Variants in FBXO22 observed in about 807,000 individuals in gnomAD.
The protein encoded by FBXO22 is F-box only protein 22.
A neutral mutation model predicts 37.2 loss-of-function variants in FBXO22; 13 were observed. That is an observed-to-expected ratio of 0.35 (90% CI 0.23 to 0.56). FBXO22 has a LOEUF of 0.56. Among genes scored for constraint, FBXO22 ranks in the 20% least tolerant of loss-of-function variants. The pLI, the probability that FBXO22 is intolerant of heterozygous loss-of-function variation, is 0.87. For synonymous variants in FBXO22, 189 were observed against 189.1 expected (o/e 1.00, Z 0.00); for missense variants, 446 against 509.9 (o/e 0.87, Z 1.21).
At position 75,939,811 on chromosome 15, in the gene FBXO22, A is replaced by G. The variant is rs2030750731; in HGVS notation, c.*6709A>G. ...TCATCTCAATTGATGCAGACAAAGC[A>G]TTTGACAAAATCCAGCAGCCTCTTG... is the stretch of plus-strand genomic sequence containing the variant. On this transcript the variant is annotated 3_prime_UTR_variant, in exon 7 of 7. Transcript: ENST00000308275. 6.6e-6 allele frequency: 1 copy of G among 152,168 alleles called. No homozygotes were observed. Among genetic ancestry groups the G allele is most frequent in the Non-Finnish European group, 1.5e-5 (1 of 67,990 alleles). 9.4% of individuals were successfully genotyped at this position (152,168 alleles called of 1,614,324 possible). A position where few individuals can be genotyped will look rare whatever the true frequency, so the allele number is the denominator to read the frequency against.
intron 5 of FBXO22, among the ~76,000 whole-genome samples, chr15:75,925,358 G>T (rs1355631013): frequency 6.6e-6 from 1 of 152,150 alleles, no homozygotes; most frequent in Non-Finnish European, 1.5e-5. Flanking sequence ...TGAGATTGGT[G>T]ATCTGGTGAT....
Position 75,909,645 on chromosome 15 carries a change from T to C in FBXO22, c.280-3558T>C, listed in dbSNP as rs528015239. On this transcript the variant is annotated intron_variant, in intron 2 of 6. Transcript: ENST00000308275. ...TTTTTGAGGGCTGGAATGAAGAAAT[T>C]ATAGGTGTTTAGTAAATGAACTGAA... Among the ~76,000 whole-genome samples, 15 of 152,236 alleles carry C rather than the reference T, an allele frequency of 9.9e-5. No homozygotes were observed. In the South Asian group the frequency reaches 3.1e-3, roughly 32 times the overall value.
Position 75,904,032 on chromosome 15 carries a change from G to C in FBXO22, c.69G>C (p.Leu23Phe). The C allele has an allele frequency of 1.3e-6, 2 of 1,571,960 alleles. No homozygotes were observed. Among genetic ancestry groups the C allele is most frequent in the Non-Finnish European group, 1.7e-6 (2 of 1,158,130 alleles). The change falls in exon 1 of 7, where the codon TTG (leucine) becomes TTC (phenylalanine). Residue 23 changes from leucine (L) to phenylalanine (F), a missense_variant. This residue lies in a region of FBXO22 where 131 missense variants were observed against 99.8 expected (regional missense o/e 1.31). Coordinates refer to ENST00000308275, the MANE Select transcript of FBXO22 (RefSeq NM_147188.3). ...SSVDPRSTFV[L>F]SNLAEVVERV... ...TAGACCCGCGGAGCACCTTCGTGTTGAGTAACCTGGCGGAGGTGGTGGAGC... is the reference window on the plus strand; with the variant it reads ...TAGACCCGCGGAGCACCTTCGTGTTCAGTAACCTGGCGGAGGTGGTGGAGC...
rs145722802 is a variant in FBXO22, at chr15:75,919,691, G to T, written c.628+2297G>T. ...ATGCTAGTGTTGGCCTCCACCCTAG[G>T]CAGGCTTTACTGTGTGTCACATGGG... On this transcript the variant is annotated intron_variant, in intron 5 of 6. Coordinates refer to ENST00000308275, the MANE Select transcript of FBXO22 (RefSeq NM_147188.3). 2.7e-3 allele frequency among the ~76,000 whole-genome samples: 410 copies of T among 152,298 alleles called. 5 individuals carry two copies. The highest frequency in any genetic ancestry group is 1.9e-3 in the Non-Finnish European group (126 of 68,030).
At chr15:75,914,055 T>A in intron 3 of FBXO22, 55 bp from the exon 4 acceptor site, 2 of 1,312,120 alleles carry the variant, frequency 1.5e-6, no homozygotes, top group Non-Finnish European at 2.2e-6. Context: ...TTTTTCATTC[T>A]CAGATTTGAC....
intron 5 of FBXO22, among the ~76,000 whole-genome samples, chr15:75,920,673 A>T (rs998961739): frequency 2.6e-5 from 4 of 151,848 alleles, no homozygotes; most frequent in African/African-American, 9.7e-5. Flanking sequence ...AAACTAAAAA[A>T]CTAGCCAAGC....
At chr15:75,917,642 A>T (rs1236403146) in intron 5 of FBXO22, among the ~76,000 whole-genome samples, 1 of 151,940 alleles carries the variant, frequency 6.6e-6, no homozygotes. Context: ...GAGATGAAAA[A>T]TTTTTCATAA....
At chr15:75,930,282 T>A in intron 6 of FBXO22, 2 of 1,403,710 alleles carry the variant, frequency 1.4e-6, no homozygotes, top group Admixed American at 6.1e-5. Flanking sequence ...AGTCACATTC[T>A]CCTTAAAATT....
chr15:75,910,905 T>C (rs920137213), intron 2 of FBXO22, among the ~76,000 whole-genome samples: 3 of 152,250 alleles, frequency 2.0e-5, no homozygotes, highest in Admixed American at 2.0e-4. Flanking sequence ...AGGTCTTACA[T>C]TTAAGTCTTT....
intron 2 of FBXO22, chr15:75,905,615 C>T (rs1183769125): frequency 6.6e-6 from 1 of 152,214 alleles, no homozygotes; most frequent in Non-Finnish European, 1.5e-5. Flanking sequence ...CAGTAAGGTT[C>T]TTCATGGCAA....
At chr15:75,904,916 C>T (rs1190654757) in intron 2 of FBXO22, among the ~76,000 whole-genome samples, 2 of 151,808 alleles carry the variant, frequency 1.3e-5, no homozygotes, top group African/African-American at 4.8e-5. Context: ...CTCCGCCTCC[C>T]GGGTTCACGC....
chr15:75,904,249 C>T, intron 1 of FBXO22, 146 bp downstream of exon 1: 1 of 1,227,260 alleles, frequency 8.1e-7, no homozygotes, highest in East Asian at 2.6e-5. Context: ...CCCCTACCCG[C>T]GAGGTATCTC....
intron 6 of FBXO22, among the ~76,000 whole-genome samples, chr15:75,932,018 A>G (rs2030041827): frequency 6.6e-6 from 1 of 152,156 alleles, no homozygotes; most frequent in African/African-American, 2.4e-5. Flanking sequence ...GTTTGAGACC[A>G]GTCTGAGCAA....
chr15:75,904,643 G>A lies in FBXO22; in HGVS notation c.279+14G>A, dbSNP rs755071895. 6.3e-7 allele frequency: 1 copy of A among 1,596,038 alleles called. No homozygotes were observed. On this transcript the variant is annotated intron_variant, in intron 2 of 6. Transcript: ENST00000308275. ...GAGGAGCTTGAGGCAAGTAGCAAGG[G>A]GTGTCATGCACAGTCATTTGCAGGT...
chr15:75,904,369 C>T, intron 1 of FBXO22, 122 bp from the exon 2 acceptor site: 1 of 1,452,200 alleles, frequency 6.9e-7, no homozygotes, highest in Non-Finnish European at 9.5e-7. Context: ...ACCTACCTAC[C>T]CCGGGGACTT....
intron 5 of FBXO22, among the ~76,000 whole-genome samples, chr15:75,928,112 A>G (rs2029879971): frequency 6.6e-6 from 1 of 152,282 alleles, no homozygotes; most frequent in East Asian, 1.9e-4. Context: ...GATGCTGGCA[A>G]GTTTGTGGAG....
At chr15:75,908,090 C>T (rs1899968399) in intron 2 of FBXO22, among the ~76,000 whole-genome samples, 1 of 152,110 alleles carries the variant, frequency 6.6e-6, no homozygotes, top group African/African-American at 2.4e-5. Flanking sequence ...GTCACTACTT[C>T]TAGTGTGAAT....
At position 75,930,499 on chromosome 15, in the gene FBXO22, T is replaced by C. The variant is rs368885606; in HGVS notation, c.794+450T>C. On this transcript the variant is annotated intron_variant, in intron 6 of 6. Transcript: ENST00000308275. Reference sequence around the variant, plus strand: ...ACCTGTGACAGTTCCCAAATGTGTTTGGTCACAAAACTTTTTTCCACAGAA... The same window carrying C: ...ACCTGTGACAGTTCCCAAATGTGTTCGGTCACAAAACTTTTTTCCACAGAA... The C allele has an allele frequency of 1.1e-3, 1,122 of 984,260 alleles. 4 individuals carry two copies. The South Asian group carries it at 0.017, about 15-fold the overall frequency. The allele number at this position is 984,260 out of a possible 1,614,324, so 61.0% of individuals were successfully genotyped here.
chr15:75,930,360 T>C (rs2141724564), intron 6 of FBXO22: 1 of 1,242,936 alleles, frequency 8.0e-7, no homozygotes, highest in South Asian at 2.0e-5. Flanking sequence ...TGTCACCTCC[T>C]TTCTAGTTTC....
Sources: allele counts gnomAD v4.1 joint callset (sites outside exome capture counted in the v4.1 genomes callset), GRCh38; gene constraint gnomAD v4.1.1; regional missense constraint gnomAD v4.1.1; transcripts MANE v1.5; gene names NCBI Gene and HGNC (gene_info 2026-07-23, HGNC 2026-07-21).